ZNF254: variants seen among roughly 807,000 people sequenced by gnomAD.
ZNF254 encodes zinc finger protein 254.
A neutral mutation model predicts 12.4 loss-of-function variants in ZNF254; 10 were observed. The observed-to-expected ratio is 0.80, with a 90% confidence interval of 0.50 to 1.36. The LOEUF is 1.36. Among genes scored for constraint, ZNF254 ranks in the 40% most tolerant of loss-of-function variants. The pLI is 0.00. For missense variants in ZNF254, 996 were observed against 763.9 expected, an observed-to-expected ratio of 1.30 and a Z score of -3.58; for synonymous variants, 305 against 253.4, an observed-to-expected ratio of 1.20 and a Z score of -1.93.
At chr19:24,050,105 A>G (rs1252639367) in intron 2 of ZNF254, among the ~76,000 whole-genome samples, 3 of 151,862 alleles carry the variant, frequency 2.0e-5, no homozygotes, top group Non-Finnish European at 4.4e-5. Flanking sequence ...GGTGCATTGT[A>G]ACATATCTGG....
chr19:24,036,419 A>G (rs887477088), intron 1 of ZNF254, among the ~76,000 whole-genome samples: 2 of 152,050 alleles, frequency 1.3e-5, no homozygotes, highest in African/African-American at 4.8e-5. Flanking sequence ...TGAGAAGATT[A>G]TGAGAGCCCC....
upstream of ZNF254, among the ~76,000 whole-genome samples, chr19:24,083,970 C>T (rs900986050): frequency 6.6e-6 from 1 of 151,914 alleles, no homozygotes; most frequent in Non-Finnish European, 1.5e-5. Flanking sequence ...TTTGATTCAG[C>T]AATTCCACTA....
intron 1 of ZNF254, among the ~76,000 whole-genome samples, chr19:24,044,223 A>G (rs1264089289): frequency 7.3e-6 from 1 of 137,552 alleles, no homozygotes; most frequent in Non-Finnish European, 1.5e-5. Context: ...CTGGCGACAG[A>G]GCAAGACTCC....
At position 24,103,265 on chromosome 19, in the gene ZNF254, T is replaced by C. The variant is rs376149278; in HGVS notation, c.31-2675T>C. Among the ~76,000 whole-genome samples the C allele has an allele frequency of 5.8e-4, 89 of 152,324 alleles. 2 individuals are homozygous for C. The South Asian group carries it at 0.016, about 28-fold the overall frequency. On this transcript the variant is annotated intron_variant, in intron 1 of 3. Coordinates refer to ENST00000357002, the MANE Select transcript of ZNF254 (RefSeq NM_203282.4). ...GTAAGGGGCTCTGTGCTGTACCTCATTTTTCTAACTAATGCTAACAATGAG... is the reference window on the plus strand; with the variant it reads ...GTAAGGGGCTCTGTGCTGTACCTCACTTTTCTAACTAATGCTAACAATGAG...
At chr19:24,085,413 TATATATATATATAA>T (rs1971992662), upstream of ZNF254, among the ~76,000 whole-genome samples, 1 of 125,198 alleles carries the variant, frequency 8.0e-6, no homozygotes, top group Admixed American at 8.3e-5. Flanking sequence ...TAAGGGTATA[TATATATATATATAA>T]AAACTAAGAT....
At chr19:24,036,426 C>T (rs1019182753) in intron 1 of ZNF254, among the ~76,000 whole-genome samples, 4 of 151,986 alleles carry the variant, frequency 2.6e-5, no homozygotes, top group Non-Finnish European at 4.4e-5. Flanking sequence ...ATTATGAGAG[C>T]CCCCAGTTTA....
At chr19:24,111,135 A>G (rs1180039499) in intron 3 of ZNF254, among the ~76,000 whole-genome samples, 2 of 121,220 alleles carry the variant, frequency 1.6e-5, no homozygotes, top group Admixed American at 1.2e-4. Context: ...ACAGAGTGTG[A>G]TGTTCCCCTT....
rs565299199 is a variant in ZNF254 at position 24,127,103 on chromosome 19, A to G, written c.1103A>G (p.His368Arg). Residue 368 changes from histidine (H) to arginine (R), a missense_variant, in exon 4 of 4, where the codon CAT becomes CGT. By Grantham distance (29) the His-to-Arg change is conservative. Transcript: ENST00000357002. ...AGCCAGTCCTCAACCCTTACTACAC[A>G]TAAGATAATTCATACTGGAGAGAAA... is the stretch of plus-strand genomic sequence containing the variant. Reference protein sequence around the residue: ...AFSQSSTLTTHKIIHTGEKRY... With the variant: ...AFSQSSTLTTRKIIHTGEKRY... The G allele has an allele frequency of 6.2e-7, 1 of 1,613,620 alleles. No homozygotes were observed. The highest frequency in any genetic ancestry group is 8.5e-7 in the Non-Finnish European group (1 of 1,179,850).
intron 3 of ZNF254, among the ~76,000 whole-genome samples, chr19:24,116,999 C>T (rs1286020776): frequency 6.6e-6 from 1 of 152,128 alleles, no homozygotes; most frequent in Non-Finnish European, 1.5e-5. Context: ...GCAGTGGCTG[C>T]AGAACAGCTG....
chr19:24,101,574 A>G (rs1191165658), intron 1 of ZNF254, among the ~76,000 whole-genome samples: 3 of 152,224 alleles, frequency 2.0e-5, no homozygotes, highest in Non-Finnish European at 2.9e-5. Context: ...GAGCACAAGT[A>G]TACTTACCTG....
rs962321739 is a variant in ZNF254, at chr19:24,042,285, A to G, written c.-189-3899A>G. 5.3e-5 allele frequency among the ~76,000 whole-genome samples: 8 copies of G among 152,158 alleles called. No homozygotes were observed. In the East Asian group the frequency reaches 1.5e-3, roughly 29 times the overall value. ...TTGCTCAGGGATTGTAAACGCACCA[A>G]TCAGCGCCCTGACAAAACAGGCCAC... On this transcript the variant is annotated intron_variant, in intron 1 of 4. Coordinates refer to the ZNF254 transcript ENST00000613065.
intron 3 of ZNF254, among the ~76,000 whole-genome samples, chr19:24,116,884 C>G (rs997629137): frequency 1.8e-4 from 28 of 152,070 alleles, no homozygotes; most frequent in African/African-American, 6.5e-4. Context: ...TGTGGATGTC[C>G]TTTCTGTTTG....
intron 3 of ZNF254, chr19:24,107,477 T>C: frequency 3.1e-6 from 1 of 323,620 alleles, no homozygotes; most frequent in East Asian, 5.0e-5. Context: ...TTTTTTCCTC[T>C]ATTTTATCAG....
intron 1 of ZNF254, among the ~76,000 whole-genome samples, chr19:24,042,242 GT>G (rs1970199379): frequency 6.6e-6 from 1 of 152,136 alleles, no homozygotes; most frequent in Non-Finnish European, 1.5e-5. Context: ...TGATGGGGAG[GT>G]GGAGAACCTT....
At chr19:24,083,307 G>C (rs181667779), upstream of ZNF254, among the ~76,000 whole-genome samples, 1 of 152,070 alleles carries the variant, frequency 6.6e-6, no homozygotes, top group Non-Finnish European at 1.5e-5. Flanking sequence ...TGTCTGAAAG[G>C]TATCATAGAT....
At chr19:24,039,935 G>GTAC (rs1226898613) in intron 1 of ZNF254, among the ~76,000 whole-genome samples, 10 of 152,194 alleles carry the variant, frequency 6.6e-5, no homozygotes, top group Non-Finnish European at 1.3e-4. Context: ...TTTCTAGAAA[G>GTAC]TACTACATGT....
intron 2 of ZNF254, among the ~76,000 whole-genome samples, chr19:24,068,222 G>C (rs948708009): frequency 6.6e-6 from 1 of 151,850 alleles, no homozygotes; most frequent in African/African-American, 2.4e-5. Flanking sequence ...TATCCTCTCA[G>C]GGTGTTGCTC....
intron 2 of ZNF254, chr19:24,065,465 G>A (rs1971235193): frequency 6.6e-6 from 1 of 152,176 alleles, no homozygotes; most frequent in Admixed American, 6.5e-5. Context: ...ACCCACAGGT[G>A]GAATTGTGAC....
At chr19:24,112,920 A>G (rs1018029383) in intron 3 of ZNF254, among the ~76,000 whole-genome samples, 1 of 152,242 alleles carries the variant, frequency 6.6e-6, no homozygotes, top group African/African-American at 2.4e-5. Context: ...CAAATAAACT[A>G]GAAAATCTAG....
Sources: allele counts gnomAD v4.1 joint callset (sites outside exome capture counted in the v4.1 genomes callset), GRCh38; gene constraint gnomAD v4.1.1; transcripts MANE v1.5; gene names NCBI Gene and HGNC (gene_info 2026-07-23, HGNC 2026-07-21).